CTNNA2: variants seen among roughly 807,000 people sequenced by gnomAD.
CTNNA2 encodes catenin alpha-2.
Under a neutral mutation model 101.0 loss-of-function variants are expected in CTNNA2, and 42 were observed. That is an observed-to-expected ratio of 0.42 (90% CI 0.32 to 0.54). The LOEUF is 0.54. CTNNA2 is among the 20% of genes least tolerant of loss of function. CTNNA2 has a pLI of 0.14. For missense variants in CTNNA2, 871 were observed against 1,223.1 expected, an observed-to-expected ratio of 0.71 and a Z score of 4.29; for synonymous variants, 450 against 456.4, an observed-to-expected ratio of 0.99 and a Z score of 0.18.
At chr2:79,468,960 A>G (rs1298848997) in intron 4 of CTNNA2, among the ~76,000 whole-genome samples, 5 of 152,208 alleles carry the variant, frequency 3.3e-5, no homozygotes, top group African/African-American at 1.2e-4. Context: ...TAACATCACA[A>G]TTGAAAGAAC....
chr2:79,952,138 G>A (rs1357183261), intron 7 of CTNNA2, among the ~76,000 whole-genome samples: 1 of 152,106 alleles, frequency 6.6e-6, no homozygotes, highest in East Asian at 1.9e-4. Context: ...AAGTAAATTT[G>A]TATTGTATTT....
At chr2:80,415,037 A>G (rs1303224764) in intron 8 of CTNNA2, among the ~76,000 whole-genome samples, 1 of 152,160 alleles carries the variant, frequency 6.6e-6, no homozygotes, top group Non-Finnish European at 1.5e-5. Context: ...TTGTAGGAAA[A>G]TAAAAAGTCT....
At position 80,640,692 on chromosome 2, in the gene CTNNA2, T is replaced by C. The variant is rs138761058; in HGVS notation, c.2575-6893T>C. On this transcript the variant is annotated intron_variant, in intron 18 of 18. Transcript: ENST00000402739. ...GGATTTTTAAAACATGAAATGTTCTTCTTGGAGGATAATAGGCTCCAATGC... is the reference window on the plus strand; with the variant it reads ...GGATTTTTAAAACATGAAATGTTCTCCTTGGAGGATAATAGGCTCCAATGC... Among the ~76,000 whole-genome samples, 13 of 152,364 alleles carry C rather than the reference T, an allele frequency of 8.5e-5. No homozygotes were observed. In the East Asian group the frequency reaches 2.5e-3, roughly 29 times the overall value.
chr2:79,236,962 A>T (rs139307091), intron 2 of CTNNA2, among the ~76,000 whole-genome samples: 7 of 152,340 alleles, frequency 4.6e-5, no homozygotes, highest in African/African-American at 1.7e-4. Flanking sequence ...TCAAATTCCT[A>T]TGAATGTTGG....
chr2:80,305,183 T>G (rs1676801985), intron 7 of CTNNA2: 2 of 983,190 alleles, frequency 2.0e-6, no homozygotes, highest in African/African-American at 1.8e-5. Flanking sequence ...ATTTTTGGGG[T>G]TTTTTCCCCC....
intron 3 of CTNNA2, among the ~76,000 whole-genome samples, chr2:79,788,027 G>A (rs1174040747): frequency 6.6e-6 from 1 of 152,114 alleles, no homozygotes; most frequent in Non-Finnish European, 1.5e-5. Flanking sequence ...TGCGAAAGAA[G>A]TTACCCTGAG....
At chr2:80,111,122 G>T (rs1420495583) in intron 7 of CTNNA2, among the ~76,000 whole-genome samples, 31 of 152,056 alleles carry the variant, frequency 2.0e-4, no homozygotes, top group Non-Finnish European at 2.9e-5. Context: ...GAGCATGGGG[G>T]TAACTGCCCC....
At chr2:80,186,605 C>T (rs1229637731) in intron 7 of CTNNA2, among the ~76,000 whole-genome samples, 1 of 152,150 alleles carries the variant, frequency 6.6e-6, no homozygotes, top group East Asian at 1.9e-4. Flanking sequence ...GATAATTATT[C>T]TTTTTTCTCA....
At chr2:79,746,953 T>C (rs1671691295) in intron 3 of CTNNA2, among the ~76,000 whole-genome samples, 1 of 152,226 alleles carries the variant, frequency 6.6e-6, no homozygotes, top group South Asian at 2.1e-4. Flanking sequence ...TGTTGAATTA[T>C]TGAATTAAGA....
intron 2 of CTNNA2, among the ~76,000 whole-genome samples, chr2:79,224,152 T>C (rs1198868425): frequency 6.6e-6 from 1 of 152,210 alleles, no homozygotes; most frequent in South Asian, 2.1e-4. Context: ...TAAATATATG[T>C]ATATGTATTT....
intron 3 of CTNNA2, among the ~76,000 whole-genome samples, chr2:79,774,285 C>T (rs1157702593): frequency 6.6e-6 from 1 of 152,194 alleles, no homozygotes; most frequent in Non-Finnish European, 1.5e-5. Flanking sequence ...CTGCTGACAG[C>T]AGTGCTAATT....
chr2:79,477,908 C>T (rs960246855), intron 4 of CTNNA2, among the ~76,000 whole-genome samples: 5 of 152,152 alleles, frequency 3.3e-5, no homozygotes, highest in Non-Finnish European at 7.3e-5. Context: ...AGTTTTGCCC[C>T]AGCAATGAAA....
At chr2:79,831,509 C>T (rs1056247253) in intron 3 of CTNNA2, among the ~76,000 whole-genome samples, 7 of 152,024 alleles carry the variant, frequency 4.6e-5, no homozygotes, top group African/African-American at 1.7e-4. Flanking sequence ...TGTTGCTTCA[C>T]ATAGCTTAAG....
intron 7 of CTNNA2, among the ~76,000 whole-genome samples, chr2:80,383,563 T>A (rs1435941632): frequency 6.6e-6 from 1 of 151,826 alleles, no homozygotes; most frequent in Non-Finnish European, 1.5e-5. Context: ...TGGTCAGAGG[T>A]GGGAGATTTT....
At chr2:80,315,707 G>A (rs1385552402) in intron 7 of CTNNA2, among the ~76,000 whole-genome samples, 1 of 152,200 alleles carries the variant, frequency 6.6e-6, no homozygotes, top group African/African-American at 2.4e-5. Context: ...GAATCAAGGA[G>A]TGGAGAAATA....
chr2:79,232,898 T>C (rs539517391), intron 2 of CTNNA2, among the ~76,000 whole-genome samples: 2 of 152,308 alleles, frequency 1.3e-5, no homozygotes, highest in East Asian at 3.9e-4. Flanking sequence ...GTCTTTGTCA[T>C]TTCTGATTGC....
intron 2 of CTNNA2, among the ~76,000 whole-genome samples, chr2:79,691,372 C>T (rs908072752): frequency 6.6e-6 from 1 of 151,572 alleles, no homozygotes; most frequent in African/African-American, 2.4e-5. Flanking sequence ...TAGTGGATAC[C>T]ATAGAGATTA....
rs201536941 is a variant in CTNNA2 at position 80,540,596 on chromosome 2, CA to C, written c.1291-4371del. ...TGGGCAGCAGAATGAGACTCCATCT[CA>C]AAAAAAAAAAAAAATCAATTTTGAG... On this transcript the variant is annotated intron_variant, in intron 9 of 18. Coordinates refer to ENST00000402739, the MANE Select transcript of CTNNA2 (RefSeq NM_001282597.3). 2.6e-3 allele frequency among the ~76,000 whole-genome samples: 348 copies of C among 132,612 alleles called. 1 individual carries two copies. Among genetic ancestry groups the C allele is most frequent in the East Asian group, 0.01 (45 of 4,404 alleles). The allele number at this position is 132,612 out of a possible 152,430, so 87.0% of individuals were successfully genotyped here. A position where few individuals can be genotyped will look rare whatever the true frequency, so the allele number is the denominator to read the frequency against.
intron 7 of CTNNA2, among the ~76,000 whole-genome samples, chr2:80,240,630 G>GA (rs1256960134): frequency 2.6e-5 from 4 of 151,850 alleles, no homozygotes; most frequent in Non-Finnish European, 5.9e-5. Flanking sequence ...ATAACCCCGG[G>GA]AAAAAAATTC....
Sources: allele counts gnomAD v4.1 joint callset (sites outside exome capture counted in the v4.1 genomes callset), GRCh38; gene constraint gnomAD v4.1.1; transcripts MANE v1.5; gene names NCBI Gene and HGNC (gene_info 2026-07-23, HGNC 2026-07-21).